Variants in ADAMTSL1 observed in about 807,000 individuals in gnomAD.
The protein encoded by ADAMTSL1 is ADAMTS like 1, also known as ADAMTS-like protein 1.
Under a neutral mutation model 201.8 loss-of-function variants are expected in ADAMTSL1, and 126 were observed. That is an observed-to-expected ratio of 0.62 (90% CI 0.54 to 0.72). The LOEUF (loss-of-function observed/expected upper bound fraction) is 0.72, where lower values mean the gene tolerates loss of function less well. Among genes scored for constraint, ADAMTSL1 ranks in the 30% least tolerant of loss-of-function variants. The probability of loss-of-function intolerance (pLI) is 0.00; values close to 1 mark genes in which losing one functional copy is unlikely to be tolerated. For synonymous variants in ADAMTSL1, 1,121 were observed against 903.4 expected (o/e 1.24, Z -4.32); for missense variants, 2,679 against 2,277.8 (o/e 1.18, Z -3.59).
chr9:18,429,992 G>T (rs1819412213), intron 2 of ADAMTSL1, among the ~76,000 whole-genome samples: 1 of 152,040 alleles, frequency 6.6e-6, no homozygotes, highest in Non-Finnish European at 1.5e-5. Flanking sequence ...GTTTCACTAT[G>T]TTGGCCAGGC....
intron 3 of ADAMTSL1, among the ~76,000 whole-genome samples, chr9:18,544,640 T>C (rs774914545): frequency 5.3e-5 from 8 of 152,206 alleles, no homozygotes; most frequent in Non-Finnish European, 1.2e-4. Context: ...TCCAGCTCAC[T>C]TGGGTGATGC....
intron 2 of ADAMTSL1, among the ~76,000 whole-genome samples, chr9:18,164,648 A>G (rs1827553835): frequency 6.6e-6 from 1 of 151,872 alleles, no homozygotes; most frequent in African/African-American, 2.4e-5. Flanking sequence ...CCTTAGGCTC[A>G]GAAGTATTCA....
In ADAMTSL1 at chr9:18,906,792, C is replaced by T; in HGVS notation, c.5062C>T (p.Gln1688Ter). ...CTATCGNYGF[Q>*]SRRVECVHAR... ...AGCTACCTGTGGCAACTACGGCTTCCAGTCCCGGCGTGTGGAGTGTGTGCA... is the reference window on the plus strand; with the variant it reads ...AGCTACCTGTGGCAACTACGGCTTCTAGTCCCGGCGTGTGGAGTGTGTGCA... Residue 1688 changes from glutamine to a stop codon, truncating the protein, a stop_gained, in exon 28 of 29, where the codon CAG becomes TAG. Coordinates refer to ENST00000380548, the MANE Select transcript of ADAMTSL1 (RefSeq NM_001040272.6). LOFTEE classifies it high-confidence loss of function. 3 of 1,614,036 alleles carry T rather than the reference C, an allele frequency of 1.9e-6. No homozygotes were observed. The highest frequency in any genetic ancestry group is 2.5e-6 in the Non-Finnish European group (3 of 1,179,896).
intron 15 of ADAMTSL1, among the ~76,000 whole-genome samples, chr9:18,737,735 A>G (rs1413497411): frequency 6.6e-6 from 1 of 152,224 alleles, no homozygotes; most frequent in Non-Finnish European, 1.5e-5. Context: ...TATCTGTGAG[A>G]AAAGAGAGGC....
At chr9:18,213,333 A>C (rs1280241709) in intron 2 of ADAMTSL1, among the ~76,000 whole-genome samples, 1 of 152,194 alleles carries the variant, frequency 6.6e-6, no homozygotes, top group Non-Finnish European at 1.5e-5. Flanking sequence ...ATGATAACGG[A>C]CATTTTCAGG....
intron 2 of ADAMTSL1, among the ~76,000 whole-genome samples, chr9:18,267,769 A>AAAAC (rs1832180514): frequency 1.3e-5 from 2 of 149,338 alleles, no homozygotes; most frequent in South Asian, 2.1e-4. Context: ...TATTAAAAAA[A>AAAAC]AAAAACAAAA....
Position 18,906,889 on chromosome 9 carries a change from G to C in ADAMTSL1, c.5159G>C (p.Cys1720Ser), listed in dbSNP as rs975974822. The change falls in exon 28 of 29, where the codon TGC becomes TCC. Residue 1720 changes from cysteine to serine, a missense_variant. Cys to Ser is a moderately radical substitution (Grantham distance 112). Coordinates refer to ENST00000380548, the MANE Select transcript of ADAMTSL1 (RefSeq NM_001040272.6). ...CCCCGGCCTGCCAACTGGCAGCGCTGCAACATCACCCCATGTGAAAACAGT... is the reference window on the plus strand; with the variant it reads ...CCCCGGCCTGCCAACTGGCAGCGCTCCAACATCACCCCATGTGAAAACAGT... Reference protein sequence around the residue: ...WGPRPANWQRCNITPCENMEC... With the variant: ...WGPRPANWQRSNITPCENMEC... The C allele has an allele frequency of 6.2e-7, 1 of 1,613,860 alleles. No homozygotes were observed. Among genetic ancestry groups the C allele is most frequent in the Non-Finnish European group, 8.5e-7 (1 of 1,179,888 alleles).
intron 4 of ADAMTSL1, among the ~76,000 whole-genome samples, chr9:18,587,381 AT>A (rs2132451913): frequency 1.3e-5 from 2 of 152,344 alleles, no homozygotes; most frequent in African/African-American, 4.8e-5. Flanking sequence ...CATTAGAGAA[AT>A]ACAAATCAAA....
chr9:18,135,406 A>G (rs1480489918), intron 1 of ADAMTSL1, among the ~76,000 whole-genome samples: 1 of 152,196 alleles, frequency 6.6e-6, no homozygotes, highest in Non-Finnish European at 1.5e-5. Flanking sequence ...GCTTAAAAAA[A>G]TATATTTTCT....
rs184315287 is a variant in ADAMTSL1, at chr9:18,537,652, G to T, written c.237+4360G>T. On this transcript the variant is annotated intron_variant, in intron 3 of 28. Coordinates refer to ENST00000380548, the MANE Select transcript of ADAMTSL1 (RefSeq NM_001040272.6). ...TGGGGGTGGAGGGGTGAGGCAGAAG[G>T]GTCACTTGAGGCCAGGAGTTTGAGA... Among the ~76,000 whole-genome samples, 768 of 152,106 alleles carry T rather than the reference G, an allele frequency of 5.0e-3. 3 individuals are homozygous for T. The highest frequency in any genetic ancestry group is 0.018 in the African/African-American group (739 of 41,482).
chr9:18,775,780 G>A lies in ADAMTSL1; in HGVS notation c.2435G>A (p.Ser812Asn), dbSNP rs1202044872. Residue 812 changes from serine (S) to asparagine (N), a missense_variant, in exon 18 of 29, where the codon AGC (serine) becomes AAC (asparagine). Transcript: ENST00000380548. ...TSCGEGTQTR[S>N]AICRKMLKTG... is the part of the protein sequence containing the mutation. ...TGCGGGGAAGGCACCCAGACTCGAA[G>A]CGCCATTTGCCGAAAGATGCTGAAA... 6.2e-7 allele frequency: 1 copy of A among 1,612,898 alleles called. No homozygotes were observed. Among genetic ancestry groups the A allele is most frequent in the South Asian group, 1.1e-5 (1 of 90,598 alleles).
At chr9:18,460,432 C>A (rs538713172) in intron 2 of ADAMTSL1, among the ~76,000 whole-genome samples, 1 of 152,242 alleles carries the variant, frequency 6.6e-6, no homozygotes, top group Admixed American at 6.5e-5. Context: ...GGGGGACTAT[C>A]CTCTTTAGTG....
intron 2 of ADAMTSL1, among the ~76,000 whole-genome samples, chr9:18,185,128 T>G (rs1828676768): frequency 6.6e-6 from 1 of 152,164 alleles, no homozygotes; most frequent in Admixed American, 6.5e-5. Flanking sequence ...CTGGTCTTTA[T>G]AGCCTGGTGT....
At chr9:18,030,863 A>T (rs1820922214) in intron 1 of ADAMTSL1, among the ~76,000 whole-genome samples, 1 of 152,090 alleles carries the variant, frequency 6.6e-6, no homozygotes, top group Non-Finnish European at 1.5e-5. Flanking sequence ...CATTTTTAAA[A>T]ATTCATTTTT....
intron 2 of ADAMTSL1, among the ~76,000 whole-genome samples, chr9:18,445,260 G>A (rs1289009024): frequency 6.6e-6 from 1 of 152,110 alleles, no homozygotes; most frequent in African/African-American, 2.4e-5. Flanking sequence ...TAAACAATCT[G>A]TCACCACCAT....
intron 1 of ADAMTSL1, among the ~76,000 whole-genome samples, chr9:18,478,174 A>C (rs1480358247): frequency 6.6e-6 from 1 of 152,176 alleles, no homozygotes; most frequent in Non-Finnish European, 1.5e-5. Flanking sequence ...TATCCTACTA[A>C]CAATATTACA....
chr9:18,060,276 A>G (rs933966765), intron 1 of ADAMTSL1, among the ~76,000 whole-genome samples: 1 of 152,130 alleles, frequency 6.6e-6, no homozygotes, highest in South Asian at 2.1e-4. Context: ...TGGATCAAAT[A>G]TTTGTTTTTA....
chr9:18,784,239 C>T (rs984550347), intron 19 of ADAMTSL1, among the ~76,000 whole-genome samples: 1 of 152,210 alleles, frequency 6.6e-6, no homozygotes, highest in Non-Finnish European at 1.5e-5. Flanking sequence ...ATGCATAATA[C>T]TCTCTCGGCC....
chr9:18,766,444 G>A (rs1563780309), intron 16 of ADAMTSL1, among the ~76,000 whole-genome samples: 1 of 152,144 alleles, frequency 6.6e-6, no homozygotes, highest in Non-Finnish European at 1.5e-5. Flanking sequence ...ACAATATGGG[G>A]TTTCCAACAG....
Sources: gnomAD v4.1 joint callset for allele counts (sites outside exome capture counted in the v4.1 genomes callset) on GRCh38, gnomAD v4.1.1 for gene constraint, MANE v1.5 for transcripts, NCBI Gene and HGNC (gene_info 2026-07-23, HGNC 2026-07-21) for gene names.